Variants in LRBA observed in about 807,000 individuals in gnomAD.
LRBA encodes LPS responsive beige-like anchor protein.
Under a neutral mutation model 330.0 loss-of-function variants are expected in LRBA, and 176 were observed. The observed-to-expected ratio is 0.53, with a 90% CI of 0.47 to 0.60. The LOEUF (loss-of-function observed/expected upper bound fraction) is 0.60, where lower values mean the gene tolerates loss of function less well. Ranked by LOEUF, LRBA falls within the 20% of genes least tolerant of loss-of-function variation. The pLI, the probability that LRBA is intolerant of heterozygous loss-of-function variation, is 0.00. For synonymous variants in LRBA, 1,230 were observed against 1,193.0 expected (o/e 1.03, Z -0.64); for missense variants, 3,259 against 3,444.8 (o/e 0.95, Z 1.35).
chr4:150,920,755 T>A (rs550641320), intron 5 of LRBA, among the ~76,000 whole-genome samples: 1 of 152,144 alleles, frequency 6.6e-6, no homozygotes, highest in Non-Finnish European at 1.5e-5. Context: ...CAACATAATT[T>A]GGAAACTCAC....
chr4:150,371,295 C>T (rs546436329), intron 47 of LRBA, among the ~76,000 whole-genome samples: 4 of 146,828 alleles, frequency 2.7e-5, no homozygotes, highest in African/African-American at 1.0e-4. Flanking sequence ...TGGGTTCAAG[C>T]GATTCTCCTG....
Position 150,852,074 on chromosome 4 carries a change from C to A in LRBA, c.3636G>T (p.Gly1212=). The change falls in exon 23 of 57, where the codon GGG becomes GGT. Residue 1212 remains glycine (G), a synonymous_variant. Transcript: ENST00000651943. ...ESDLGQMLEE[G]KKATNLTRET... is the part of the protein sequence containing the mutation. Reference sequence around the variant, plus strand: ...CTCTAGTGAGGTTAGTTGCTTTCTTCCCTTCCTCCAGCATCTGACCAAGGT... The same window carrying A: ...CTCTAGTGAGGTTAGTTGCTTTCTTACCTTCCTCCAGCATCTGACCAAGGT... The A allele has an allele frequency of 7.4e-6, 12 of 1,614,120 alleles. No individual in the cohort carries two copies. The highest frequency in any genetic ancestry group is 1.0e-5 in the Non-Finnish European group (12 of 1,179,996).
chr4:150,761,848 CTA>C lies in LRBA; in HGVS notation c.5581-3_5581-2del. On this transcript the variant is annotated splice_acceptor_variant and splice_polypyrimidine_tract_variant and intron_variant, in intron 34 of 56. Transcript: ENST00000651943. LOFTEE classifies it high-confidence loss of function. ...TCTTCTGAATAGAATTTTGCCACTC[CTA>C]TAAAAAAAAAAGCAAAAATAGCTGA... is the stretch of plus-strand genomic sequence containing the variant. 6.6e-7 allele frequency: 1 copy of C among 1,509,302 alleles called. No homozygotes were observed. Among genetic ancestry groups the C allele is most frequent in the South Asian group, 1.3e-5 (1 of 74,196 alleles). The allele number at this position is 1,509,302 out of a possible 1,614,324, so 93.5% of individuals were successfully genotyped here.
Position 150,525,972 on chromosome 4 carries a change from G to T in LRBA, c.6331-34937C>A, listed in dbSNP as rs138818287. On this transcript the variant is annotated intron_variant, in intron 40 of 56. Coordinates refer to ENST00000651943, the MANE Select transcript of LRBA (RefSeq NM_001364905.1). Reference sequence around the variant, plus strand: ...TGGCTACCGAGACCAATCCTCACAGGGTGTAATTACCTTGGTAAATTCAGC... The same window carrying T: ...TGGCTACCGAGACCAATCCTCACAGTGTGTAATTACCTTGGTAAATTCAGC... Among the ~76,000 whole-genome samples the T allele has an allele frequency of 4.6e-5, 7 of 151,780 alleles. No individual in the cohort carries two copies. The East Asian group carries it at 1.2e-3, about 25-fold the overall frequency.
chr4:150,590,786 T>C lies in LRBA; in HGVS notation c.6120A>G (p.Glu2040=), dbSNP rs753715193. The C allele has an allele frequency of 6.2e-7, 1 of 1,613,860 alleles. No homozygotes were observed. Among genetic ancestry groups the C allele is most frequent in the Non-Finnish European group, 8.5e-7 (1 of 1,179,742 alleles). The change falls in exon 39 of 57, where the codon GAA becomes GAG. Residue 2040 remains glutamate (E), a synonymous_variant. Transcript: ENST00000651943. ...RSQALGNQNS[E]NEILLEGDDD... Reference sequence around the variant, plus strand: ...CATCGCCTTCCAGGAGGATCTCGTTTTCTGAGTTCTGATTTCCTAAAGCCT... The same window carrying C: ...CATCGCCTTCCAGGAGGATCTCGTTCTCTGAGTTCTGATTTCCTAAAGCCT...
At chr4:150,500,185 T>A (rs762006712) in intron 40 of LRBA, among the ~76,000 whole-genome samples, 3 of 152,064 alleles carry the variant, frequency 2.0e-5, no homozygotes, top group Non-Finnish European at 2.9e-5. Context: ...ATACATTATG[T>A]GTATACAACA....
chr4:150,391,146 C>T (rs1743862648), intron 47 of LRBA, among the ~76,000 whole-genome samples: 1 of 152,170 alleles, frequency 6.6e-6, no homozygotes. Flanking sequence ...GTGTCCTCTA[C>T]TTACTGTTGC....
At chr4:150,938,614 A>C (rs1430128173) in intron 2 of LRBA, among the ~76,000 whole-genome samples, 1 of 152,208 alleles carries the variant, frequency 6.6e-6, no homozygotes, top group Non-Finnish European at 1.5e-5. Flanking sequence ...TATTCTTTAA[A>C]GAAAGAAACC....
intron 26 of LRBA, among the ~76,000 whole-genome samples, chr4:150,848,591 A>C (rs1397729758): frequency 1.6e-4 from 24 of 150,736 alleles, no homozygotes; most frequent in Non-Finnish European, 1.5e-5. Context: ...GATAGGGGAG[A>C]GTGGAAACTC....
At chr4:150,868,928 ACT>A (rs1175217629) in intron 20 of LRBA, among the ~76,000 whole-genome samples, 2 of 152,062 alleles carry the variant, frequency 1.3e-5, no homozygotes, top group Non-Finnish European at 2.9e-5. Flanking sequence ...ACACAGCAAG[ACT>A]CTGTCTCAAA....
intron 36 of LRBA, among the ~76,000 whole-genome samples, chr4:150,723,746 A>AC (rs1729267012): frequency 6.6e-6 from 1 of 152,200 alleles, no homozygotes; most frequent in East Asian, 1.9e-4. Flanking sequence ...GTAGAGCAAT[A>AC]AGCTGGCTCT....
At chr4:150,487,438 C>T (rs539389897) in intron 42 of LRBA, among the ~76,000 whole-genome samples, 1 of 151,278 alleles carries the variant, frequency 6.6e-6, no homozygotes, top group South Asian at 2.1e-4. Flanking sequence ...TGATTATTTG[C>T]TAAGTATATA....
chr4:150,683,112 T>C (rs939091866), intron 37 of LRBA, among the ~76,000 whole-genome samples: 3 of 152,084 alleles, frequency 2.0e-5, no homozygotes, highest in African/African-American at 7.2e-5. Flanking sequence ...ATTTTCAAAA[T>C]TATACTTTGA....
intron 2 of LRBA, among the ~76,000 whole-genome samples, chr4:150,940,935 A>C (rs549858594): frequency 6.6e-6 from 1 of 151,746 alleles, no homozygotes; most frequent in African/African-American, 2.4e-5. Flanking sequence ...TAATTTTCTA[A>C]ATTTTATAGT....
At chr4:150,850,695 C>G (rs1414941857) in intron 24 of LRBA, 29 bp downstream of exon 24, 1 of 1,406,016 alleles carries the variant, frequency 7.1e-7, no homozygotes, top group Non-Finnish European at 9.9e-7. Context: ...GGTTTATACA[C>G]ATCTTCCATA....
At chr4:150,666,861 C>T (rs1781609672) in intron 37 of LRBA, among the ~76,000 whole-genome samples, 1 of 152,114 alleles carries the variant, frequency 6.6e-6, no homozygotes, top group Admixed American at 6.5e-5. Flanking sequence ...TTATTGATGT[C>T]ATTTTTTCTG....
intron 8 of LRBA, among the ~76,000 whole-genome samples, chr4:150,914,950 G>T (rs1732426072): frequency 6.6e-6 from 1 of 152,062 alleles, no homozygotes; most frequent in Non-Finnish European, 1.5e-5. Context: ...AGGCCTAATA[G>T]ATTAGGTAAG....
intron 22 of LRBA, among the ~76,000 whole-genome samples, chr4:150,855,716 A>G (rs1468302946): frequency 6.6e-6 from 1 of 152,198 alleles, no homozygotes; most frequent in East Asian, 1.9e-4. Context: ...CACTGTTTAT[A>G]AATAGTTTTA....
At chr4:150,871,514 C>T (rs1004535653) in intron 18 of LRBA, 61 bp from the exon 19 acceptor site, 22 of 921,402 alleles carry the variant, frequency 2.4e-5, no homozygotes, top group Non-Finnish European at 3.6e-5. Flanking sequence ...ACTTAATATG[C>T]ATGCTGGATG....
Sources: allele counts gnomAD v4.1 joint callset (sites outside exome capture counted in the v4.1 genomes callset), GRCh38; gene constraint gnomAD v4.1.1; transcripts MANE v1.5; gene names NCBI Gene and HGNC (gene_info 2026-07-23, HGNC 2026-07-21).